Variants in PIKFYVE observed in about 807,000 individuals in gnomAD.
The protein encoded by PIKFYVE is 1-phosphatidylinositol 3-phosphate 5-kinase.
In PIKFYVE, 122 loss-of-function variants were observed where a neutral mutation model predicts 257.9. The observed-to-expected ratio is 0.47, with a 90% CI of 0.41 to 0.55. The LOEUF (loss-of-function observed/expected upper bound fraction) is 0.55. Ranked by LOEUF, PIKFYVE falls within the 20% of genes least tolerant of loss-of-function variation. The pLI is 0.00. For missense variants in PIKFYVE, 2,160 were observed against 2,536.6 expected (o/e 0.85, Z 3.19); for synonymous variants, 892 against 868.9 (o/e 1.03, Z -0.47).
At chr2:208,317,733 A>G (rs1368020874) in intron 15 of PIKFYVE, 134 bp from the exon 16 acceptor site, 1 of 808,468 alleles carries the variant, frequency 1.2e-6, no homozygotes, top group Non-Finnish European at 2.1e-6. Context: ...AGGAAGTATT[A>G]TTTCCTGAAA....
chr2:208,321,675 T>G (rs907714243), intron 17 of PIKFYVE, among the ~76,000 whole-genome samples: 3 of 151,278 alleles, frequency 2.0e-5, no homozygotes, highest in African/African-American at 7.3e-5. Context: ...CCTCCCAGGT[T>G]CAAGCTATTC....
At position 208,333,398 on chromosome 2, in the gene PIKFYVE, G is replaced by C. The variant is rs1235312759; in HGVS notation, c.4047G>C (p.Gln1349His). The C allele has an allele frequency of 3.7e-6, 6 of 1,613,930 alleles. No individual in the cohort carries two copies. The Admixed American group carries it at 5.0e-5, about 13-fold the overall frequency. ...TTGAACTTAGGTTTTATGGGCACCA[G>C]TATACTCGCAGAGCCAACGCTGAGC... Reference protein sequence around the residue: ...KYLELRFYGHQYTRRANAEPC... With the variant: ...KYLELRFYGHHYTRRANAEPC... The change falls in exon 24 of 42, where the codon CAG (glutamine) becomes CAC (histidine). Residue 1349 changes from glutamine (Q) to histidine (H), a missense_variant. Coordinates refer to ENST00000264380, the MANE Select transcript of PIKFYVE (RefSeq NM_015040.4).
Position 208,304,245 on chromosome 2 carries a change from C to G in PIKFYVE, c.1395C>G (p.Ser465=), listed in dbSNP as rs370703052. The G allele has an allele frequency of 6.8e-6, 11 of 1,613,944 alleles. No individual in the cohort carries two copies. The African/African-American group carries it at 1.5e-4, about 22-fold the overall frequency. Residue 465 remains serine, a synonymous_variant, in exon 11 of 42, where the codon TCC becomes TCG. Transcript: ENST00000264380. ...CCGTGGAAGGACACTCTGAGCCATC[C>G]TGGTTTAAAGACATAAAGTTTGATG... The part of the protein sequence containing the change: ...VNSVEGHSEP[S]WFKDIKFDDS...
rs1201215382 is a variant in PIKFYVE at position 208,303,299 on chromosome 2, A to ACACG, written c.1321-870_1321-869insCGCA. 6.6e-5 allele frequency among the ~76,000 whole-genome samples: 10 copies of ACACG among 151,072 alleles called. 3 individuals carry two copies. Among genetic ancestry groups the ACACG allele is most frequent in the African/African-American group, 2.4e-4 (10 of 40,830 alleles). On this transcript the variant is annotated intron_variant, in intron 10 of 41. Transcript: ENST00000264380. ...TACACACACAGGCACACACACACACACATATATATATAGCTGACCGTTAAG... is the reference window on the plus strand; with the variant it reads ...TACACACACAGGCACACACACACACACACGCATATATATATAGCTGACCGTTAAG...
At chr2:208,349,635 C>T (rs1002672569) in intron 35 of PIKFYVE, among the ~76,000 whole-genome samples, 2 of 151,286 alleles carry the variant, frequency 1.3e-5, no homozygotes, top group African/African-American at 2.4e-5. Flanking sequence ...TAGCTTAGTA[C>T]ATGATAAAGC....
intron 6 of PIKFYVE, among the ~76,000 whole-genome samples, chr2:208,287,253 G>A (rs1574459747): frequency 6.9e-6 from 1 of 144,370 alleles, no homozygotes; most frequent in Non-Finnish European, 1.5e-5. Flanking sequence ...GTCAGTGGTA[G>A]TGTACTTTTT....
intron 12 of PIKFYVE, among the ~76,000 whole-genome samples, chr2:208,311,801 TTTTA>T (rs1694963014): frequency 1.3e-5 from 2 of 152,308 alleles, no homozygotes; most frequent in South Asian, 4.1e-4. Flanking sequence ...GTTTATATTG[TTTTA>T]TCAGGTGGGT....
chr2:208,316,181 C>T lies in PIKFYVE; in HGVS notation c.2007+808C>T, dbSNP rs576191347. Among the ~76,000 whole-genome samples, 5 of 152,060 alleles carry T rather than the reference C, an allele frequency of 3.3e-5. No individual in the cohort carries two copies. In the South Asian group the frequency reaches 6.2e-4, roughly 19 times the overall value. ...GAGAATGATGATTTCCAATTTCATC[C>T]ACGTCCCTACAAAGGACATGAACTC... On this transcript the variant is annotated intron_variant, in intron 15 of 41. Coordinates refer to ENST00000264380, the MANE Select transcript of PIKFYVE (RefSeq NM_015040.4).
intron 12 of PIKFYVE, among the ~76,000 whole-genome samples, chr2:208,311,977 G>C (rs1055318860): frequency 4.6e-5 from 7 of 152,132 alleles, no homozygotes; most frequent in Non-Finnish European, 1.0e-4. Flanking sequence ...TTCTCTATCT[G>C]ACATTTGAAT....
At chr2:208,305,269 C>G in intron 12 of PIKFYVE, 1 of 1,344,942 alleles carries the variant, frequency 7.4e-7, no homozygotes, top group Non-Finnish European at 9.6e-7. Flanking sequence ...GGAACTACAT[C>G]TGACTGCTCT....
In PIKFYVE at chr2:208,324,900, C is replaced by G. The variant is rs764203111; in HGVS notation, c.2332-11C>G. ...TCTAGTTTTGTAATACAATGTTTTT[C>G]TGTTTTGTAGCAAGTTTTGGAACGA... On this transcript the variant is annotated splice_polypyrimidine_tract_variant and intron_variant, in intron 18 of 41. Transcript: ENST00000264380. 4 of 1,612,960 alleles carry G rather than the reference C, an allele frequency of 2.5e-6. No individual in the cohort carries two copies. The highest frequency in any genetic ancestry group is 3.4e-6 in the Non-Finnish European group (4 of 1,179,224).
chr2:208,269,841 G>A, intron 1 of PIKFYVE: 1 of 276,880 alleles, frequency 3.6e-6, no homozygotes, highest in Non-Finnish European at 7.5e-6. Context: ...CCTGGGGGAT[G>A]GGATAGCTGG....
intron 17 of PIKFYVE, among the ~76,000 whole-genome samples, chr2:208,322,847 T>TC (rs1696435015): frequency 2.6e-5 from 1 of 38,376 alleles, no homozygotes; most frequent in Admixed American, 3.5e-4. Flanking sequence ...CCCTCCCCCC[T>TC]CCCCCACCCC....
chr2:208,287,456 T>C (rs1691731975), intron 6 of PIKFYVE, among the ~76,000 whole-genome samples: 1 of 151,928 alleles, frequency 6.6e-6, no homozygotes, highest in Non-Finnish European at 1.5e-5. Context: ...CTGTTTTTAG[T>C]AGGGACGGGG....
At chr2:208,329,700 T>C in intron 21 of PIKFYVE, 142 bp from the exon 22 acceptor site, 1 of 1,399,688 alleles carries the variant, frequency 7.1e-7, no homozygotes, top group Non-Finnish European at 9.6e-7. Context: ...AAAACCTGTT[T>C]CATAACAACA....
intron 13 of PIKFYVE, among the ~76,000 whole-genome samples, chr2:208,313,462 GTCA>G (rs67082388): frequency 0.15 from 22,209 of 151,902 alleles, 1,753 homozygotes; most frequent in African/African-American, 0.2. Flanking sequence ...TTTCTACACT[GTCA>G]TCTGTTGTTT....
intron 12 of PIKFYVE, 105 bp downstream of exon 12, chr2:208,305,118 G>A (rs1694169985): frequency 6.4e-7 from 1 of 1,566,104 alleles, no homozygotes; most frequent in South Asian, 1.2e-5. Context: ...ACGTGGCTGA[G>A]GGTATTTGGT....
chr2:208,308,369 C>T (rs1405432818), intron 12 of PIKFYVE, among the ~76,000 whole-genome samples: 1 of 150,846 alleles, frequency 6.6e-6, no homozygotes, highest in African/African-American at 2.4e-5. Flanking sequence ...CCACTGCAGT[C>T]CAGCCTCGGT....
At chr2:208,339,364 A>G in intron 29 of PIKFYVE, 54 bp from the exon 30 acceptor site, 1 of 1,588,916 alleles carries the variant, frequency 6.3e-7, no homozygotes, top group Non-Finnish European at 8.6e-7. Context: ...AATATTAGGT[A>G]GACATGGACT....
Sources: gnomAD v4.1 joint callset for allele counts (sites outside exome capture counted in the v4.1 genomes callset) on GRCh38, gnomAD v4.1.1 for gene constraint, MANE v1.5 for transcripts, NCBI Gene and HGNC (gene_info 2026-07-23, HGNC 2026-07-21) for gene names.